WWOX: variants seen among roughly 807,000 people sequenced by gnomAD.
WWOX encodes the protein WW domain containing oxidoreductase.
A neutral mutation model predicts 46.2 loss-of-function variants in WWOX; 69 were observed. The ratio of observed to expected loss-of-function variants is 1.49; its 90% CI spans 1.23 to 1.82. The LOEUF is 1.82. WWOX is among the 40% of genes most tolerant of loss of function. The pLI is 0.00. For missense variants in WWOX, 919 were observed against 542.6 expected, an observed-to-expected ratio of 1.69 and a Z score of -6.89; for synonymous variants, 359 against 202.6, an observed-to-expected ratio of 1.77 and a Z score of -6.56.
At chr16:78,426,984 G>A (rs1240723780) in intron 7 of WWOX, among the ~76,000 whole-genome samples, 2 of 152,280 alleles carry the variant, frequency 1.3e-5, no homozygotes, top group Non-Finnish European at 2.9e-5. Flanking sequence ...ATTTAAGGGT[G>A]TTTTAACAAA....
chr16:79,009,440 C>T (rs1961450403), intron 8 of WWOX, among the ~76,000 whole-genome samples: 2 of 151,734 alleles, frequency 1.3e-5, no homozygotes, highest in Admixed American at 6.6e-5. Flanking sequence ...GACACTGGGG[C>T]TTCTGTGACT....
At chr16:78,952,070 T>A (rs1275164115) in intron 8 of WWOX, among the ~76,000 whole-genome samples, 1 of 152,104 alleles carries the variant, frequency 6.6e-6, no homozygotes, top group Non-Finnish European at 1.5e-5. Flanking sequence ...AATCATAACC[T>A]ACAATCCCTC....
At chr16:79,180,524 A>T (rs1318393365) in intron 8 of WWOX, among the ~76,000 whole-genome samples, 1 of 152,190 alleles carries the variant, frequency 6.6e-6, no homozygotes, top group Non-Finnish European at 1.5e-5. Context: ...TGGACCCTCA[A>T]ATGTGGGAAG....
At chr16:79,182,766 G>A (rs892482840) in intron 8 of WWOX, among the ~76,000 whole-genome samples, 1 of 152,194 alleles carries the variant, frequency 6.6e-6, no homozygotes, top group African/African-American at 2.4e-5. Flanking sequence ...AGGAGTAAAT[G>A]AGTCACTATT....
intron 8 of WWOX, among the ~76,000 whole-genome samples, chr16:78,955,090 C>T (rs1339676338): frequency 2.0e-5 from 3 of 152,092 alleles, no homozygotes; most frequent in Non-Finnish European, 2.9e-5. Flanking sequence ...CAGGAAACTC[C>T]GCAGAGAGAA....
chr16:78,918,420 C>G (rs1379920068), intron 8 of WWOX, among the ~76,000 whole-genome samples: 1 of 151,930 alleles, frequency 6.6e-6, no homozygotes, highest in Non-Finnish European at 1.5e-5. Context: ...AGGTCGTGTC[C>G]TATCCCTTTA....
At chr16:79,033,843 A>T (rs2102280) in intron 8 of WWOX, among the ~76,000 whole-genome samples, 1 of 152,076 alleles carries the variant, frequency 6.6e-6, no homozygotes, top group Non-Finnish European at 1.5e-5. Context: ...TGGCTGACTT[A>T]TTTATGATAC....
rs777394763 is a variant in WWOX at position 78,702,124 on chromosome 16, T to TATATATATA, written c.1056+269372_1056+269373insATATATATA. On this transcript the variant is annotated intron_variant, in intron 8 of 8. Coordinates refer to ENST00000566780, the MANE Select transcript of WWOX (RefSeq NM_016373.4). ...GTTATATATATATATATATATATAT[T>TATATATATA]TATTTATTTTCAAGACATGGTGGCA... Among the ~76,000 whole-genome samples, 273 of 105,508 alleles carry TATATATATA rather than the reference T, an allele frequency of 2.6e-3. 3 individuals are homozygous for TATATATATA. Among genetic ancestry groups the TATATATATA allele is most frequent in the African/African-American group, 6.1e-3 (124 of 20,236 alleles). The allele number at this position is 105,508 out of a possible 152,430, so 69.2% of individuals were successfully genotyped here.
chr16:78,875,647 A>C (rs2044220013), intron 8 of WWOX, among the ~76,000 whole-genome samples: 1 of 152,110 alleles, frequency 6.6e-6, no homozygotes, highest in Non-Finnish European at 1.5e-5. Flanking sequence ...GCCACCTTTT[A>C]TAGAAGCTTA....
At chr16:78,885,688 A>G (rs998043231) in intron 8 of WWOX, among the ~76,000 whole-genome samples, 1 of 152,168 alleles carries the variant, frequency 6.6e-6, no homozygotes, top group South Asian at 2.1e-4. Context: ...CAGTTTCCAT[A>G]GGGATAACTC....
intron 6 of WWOX, among the ~76,000 whole-genome samples, chr16:78,388,884 G>A (rs1369305808): frequency 6.6e-6 from 1 of 151,594 alleles, no homozygotes; most frequent in Non-Finnish European, 1.5e-5. Flanking sequence ...CAGGAGAATG[G>A]CTTGAACCCG....
intron 8 of WWOX, among the ~76,000 whole-genome samples, chr16:78,549,221 C>G (rs1019041921): frequency 6.6e-6 from 1 of 152,146 alleles, no homozygotes; most frequent in Non-Finnish European, 1.5e-5. Flanking sequence ...GAATTAAAAT[C>G]TGCATGTTAA....
intron 5 of WWOX, among the ~76,000 whole-genome samples, chr16:78,318,272 ATTTTTTT>A (rs34730954): frequency 8.1e-6 from 1 of 123,568 alleles, no homozygotes; most frequent in African/African-American, 3.2e-5. Context: ...TCTGGGAGGA[ATTTTTTT>A]TTTTTTTTTT....
intron 8 of WWOX, among the ~76,000 whole-genome samples, chr16:78,724,526 A>G (rs577004135): frequency 1.3e-5 from 2 of 152,306 alleles, no homozygotes; most frequent in African/African-American, 4.8e-5. Context: ...CTTTATCGAC[A>G]TTATTACAGT....
At chr16:78,113,002 G>T (rs1025790417) in intron 3 of WWOX, among the ~76,000 whole-genome samples, 8 of 152,114 alleles carry the variant, frequency 5.3e-5, no homozygotes, top group Non-Finnish European at 1.5e-5. Context: ...GACCACACCT[G>T]ACTGAATTTC....
Position 78,319,127 on chromosome 16 carries a change from C to T in WWOX, c.517-67733C>T, listed in dbSNP as rs186161876. Among the ~76,000 whole-genome samples the T allele has an allele frequency of 3.6e-4, 54 of 152,036 alleles. No homozygotes were observed. In the East Asian group the frequency reaches 9.9e-3, roughly 28 times the overall value. ...GATGAGTCAGGCAGTGAGATGGCAG[C>T]ATGAGAAGGACACCGCCACACATTG... On this transcript the variant is annotated intron_variant, in intron 5 of 8. Coordinates refer to ENST00000566780, the MANE Select transcript of WWOX (RefSeq NM_016373.4).
intron 8 of WWOX, among the ~76,000 whole-genome samples, chr16:79,150,005 T>G (rs1039893245): frequency 9.9e-5 from 15 of 152,234 alleles, no homozygotes; most frequent in African/African-American, 3.6e-4. Flanking sequence ...TTATGTTTTT[T>G]ATGGGAACCT....
intron 8 of WWOX, among the ~76,000 whole-genome samples, chr16:78,973,402 C>G (rs2046510365): frequency 6.6e-6 from 1 of 152,122 alleles, no homozygotes; most frequent in African/African-American, 2.4e-5. Context: ...TTTAACAGCA[C>G]AATACAGAGA....
chr16:78,707,760 G>T (rs1450982383), intron 8 of WWOX, among the ~76,000 whole-genome samples: 1 of 151,848 alleles, frequency 6.6e-6, no homozygotes, highest in South Asian at 2.1e-4. Context: ...GTGCACACCT[G>T]TAGTCCCAGC....
Sources: gnomAD v4.1 joint callset for allele counts (sites outside exome capture counted in the v4.1 genomes callset) on GRCh38, gnomAD v4.1.1 for gene constraint, MANE v1.5 for transcripts, NCBI Gene and HGNC (gene_info 2026-07-23, HGNC 2026-07-21) for gene names.